ZFPM2: variants seen among roughly 807,000 people sequenced by gnomAD.
The protein encoded by ZFPM2 is zinc finger protein ZFPM2.
ZFPM2 carries 20 observed loss-of-function variants against 98.6 expected under a neutral mutation model. The ratio of observed to expected loss-of-function variants is 0.20; its 90% CI spans 0.14 to 0.29. The LOEUF (loss-of-function observed/expected upper bound fraction) is 0.29. Ranked by LOEUF, ZFPM2 falls within the 10% of genes least tolerant of loss-of-function variation. The pLI, the probability that ZFPM2 is intolerant of heterozygous loss-of-function variation, is 1.00. For synonymous variants in ZFPM2, 518 were observed against 502.7 expected (o/e 1.03, Z -0.41); for missense variants, 1,310 against 1,388.6 (o/e 0.94, Z 0.90).
chr8:105,728,621 A>G (rs1162253603), intron 5 of ZFPM2, among the ~76,000 whole-genome samples: 2 of 151,800 alleles, frequency 1.3e-5, no homozygotes, highest in Non-Finnish European at 2.9e-5. Flanking sequence ...CAAGGGAGAC[A>G]CAGGAAAGGC....
intron 4 of ZFPM2, among the ~76,000 whole-genome samples, chr8:105,572,085 T>A (rs1308585729): frequency 7.0e-6 from 1 of 143,696 alleles, no homozygotes; most frequent in Non-Finnish European, 1.5e-5. Context: ...TCGCCCAGGC[T>A]GGAGTGCAAT....
intron 5 of ZFPM2, among the ~76,000 whole-genome samples, chr8:105,766,224 G>C (rs893278136): frequency 2.0e-5 from 3 of 151,834 alleles, no homozygotes; most frequent in African/African-American, 7.2e-5. Flanking sequence ...CCTGTTTTTC[G>C]TTAACTATGA....
intron 3 of ZFPM2, among the ~76,000 whole-genome samples, chr8:105,546,215 T>C (rs780171783): frequency 4.6e-5 from 7 of 152,194 alleles, no homozygotes; most frequent in Non-Finnish European, 7.3e-5. Context: ...CAAGCAAATC[T>C]GCATGTTGAA....
At chr8:105,717,741 G>C (rs1811558988) in intron 5 of ZFPM2, among the ~76,000 whole-genome samples, 1 of 151,816 alleles carries the variant, frequency 6.6e-6, no homozygotes, top group African/African-American at 2.4e-5. Context: ...GTATGGATCA[G>C]AGAGAAACAT....
intron 4 of ZFPM2, among the ~76,000 whole-genome samples, chr8:105,619,521 A>G (rs1816489394): frequency 6.6e-6 from 1 of 152,048 alleles, no homozygotes; most frequent in African/African-American, 2.4e-5. Flanking sequence ...TAAAATGATT[A>G]TTTTATGATT....
intron 4 of ZFPM2, among the ~76,000 whole-genome samples, chr8:105,608,888 A>AT (rs1816249662): frequency 6.6e-6 from 1 of 152,160 alleles, no homozygotes; most frequent in Non-Finnish European, 1.5e-5. Context: ...AACATTAACT[A>AT]TTTTTTTAAT....
At chr8:105,518,046 A>C (rs1813974566) in intron 3 of ZFPM2, among the ~76,000 whole-genome samples, 1 of 152,198 alleles carries the variant, frequency 6.6e-6, no homozygotes, top group Admixed American at 6.5e-5. Context: ...TTTTGTGACT[A>C]AGTTGATTTT....
At chr8:105,557,676 G>A (rs1815029579) in intron 3 of ZFPM2, among the ~76,000 whole-genome samples, 1 of 151,902 alleles carries the variant, frequency 6.6e-6, no homozygotes, top group African/African-American at 2.4e-5. Flanking sequence ...ACACTGTCTG[G>A]TACTTATTTA....
At chr8:105,580,210 G>T (rs2130739783) in intron 4 of ZFPM2, among the ~76,000 whole-genome samples, 1 of 152,262 alleles carries the variant, frequency 6.6e-6, no homozygotes, top group South Asian at 2.1e-4. Flanking sequence ...AGCTACTGTT[G>T]TTAGTTGTCT....
intron 5 of ZFPM2, among the ~76,000 whole-genome samples, chr8:105,656,289 A>C (rs1281531126): frequency 6.6e-6 from 1 of 152,194 alleles, no homozygotes; most frequent in Non-Finnish European, 1.5e-5. Flanking sequence ...TGACCCCTGG[A>C]AACTATTGAA....
intron 1 of ZFPM2, among the ~76,000 whole-genome samples, chr8:105,354,022 C>G (rs1378889403): frequency 2.1e-4 from 32 of 152,024 alleles, no homozygotes; most frequent in Admixed American, 1.2e-3. Context: ...AGATGTGGTA[C>G]TCTAAGCAAG....
At chr8:105,559,729 G>A (rs1486170350) in intron 3 of ZFPM2, among the ~76,000 whole-genome samples, 1 of 151,912 alleles carries the variant, frequency 6.6e-6, no homozygotes, top group African/African-American at 2.4e-5. Flanking sequence ...TTAAAAGGAG[G>A]TGACACTAAA....
intron 5 of ZFPM2, among the ~76,000 whole-genome samples, chr8:105,673,975 G>T (rs190786403): frequency 6.6e-6 from 1 of 152,296 alleles, no homozygotes; most frequent in African/African-American, 2.4e-5. Context: ...TCAGATAAAA[G>T]AAGTGTTAAA....
intron 1 of ZFPM2, among the ~76,000 whole-genome samples, chr8:105,330,112 G>A (rs1344246501): frequency 2.0e-5 from 3 of 151,548 alleles, no homozygotes; most frequent in Non-Finnish European, 3.0e-5. Flanking sequence ...AGAATAAAAT[G>A]GTTTCCAGTG....
At chr8:105,441,452 G>GAGAAAGAA (rs34216988) in intron 2 of ZFPM2, among the ~76,000 whole-genome samples, 777 of 38,952 alleles carry the variant, frequency 0.02, 47 homozygotes, top group South Asian at 0.11. Flanking sequence ...GAGAGAGAGA[G>GAGAAAGAA]AGAAAGAAAG....
intron 5 of ZFPM2, among the ~76,000 whole-genome samples, chr8:105,776,491 A>G (rs1326434122): frequency 2.0e-5 from 3 of 152,244 alleles, no homozygotes; most frequent in Non-Finnish European, 2.9e-5. Flanking sequence ...AGCATGGCCA[A>G]CATTTACTAG....
At chr8:105,601,186 A>G (rs1291377182) in intron 4 of ZFPM2, among the ~76,000 whole-genome samples, 1 of 152,100 alleles carries the variant, frequency 6.6e-6, no homozygotes, top group Non-Finnish European at 1.5e-5. Context: ...AAGGCTTAGG[A>G]TAATAGCCAG....
chr8:105,799,018 C>A lies in ZFPM2; in HGVS notation c.964+70C>A, dbSNP rs565450085. On this transcript the variant is annotated intron_variant, in intron 7 of 7. Coordinates refer to ENST00000407775, the MANE Select transcript of ZFPM2 (RefSeq NM_012082.4). ...TATTTTTATAAATATATATGCATTA[C>A]ATGTATACGTCTATATCTGTCTATC... The A allele has an allele frequency of 4.1e-5, 54 of 1,320,550 alleles. No individual in the cohort carries two copies. In the African/African-American group the frequency reaches 7.2e-4, roughly 18 times the overall value. The allele number at this position is 1,320,550 out of a possible 1,614,324, so 81.8% of individuals were successfully genotyped here.
At chr8:105,631,245 C>T (rs1264657690) in intron 4 of ZFPM2, among the ~76,000 whole-genome samples, 2 of 152,138 alleles carry the variant, frequency 1.3e-5, no homozygotes, top group East Asian at 3.9e-4. Flanking sequence ...AGAAGTTTTA[C>T]CTAATACATC....
Sources: gnomAD v4.1 joint callset for allele counts (sites outside exome capture counted in the v4.1 genomes callset) on GRCh38, gnomAD v4.1.1 for gene constraint, MANE v1.5 for transcripts, NCBI Gene and HGNC (gene_info 2026-07-23, HGNC 2026-07-21) for gene names.